The following PTPRZ1 variants were observed in gnomAD, a reference collection of about 807,000 sequenced individuals.
PTPRZ1 encodes the protein protein tyrosine phosphatase receptor type Z1.
A neutral mutation model predicts 214.1 loss-of-function variants in PTPRZ1; 82 were observed. That is an observed-to-expected ratio of 0.38 (90% CI 0.32 to 0.46). The LOEUF (loss-of-function observed/expected upper bound fraction) is 0.46. PTPRZ1 is among the 20% of genes least tolerant of loss of function. The pLI is 1.00. For missense variants in PTPRZ1, 2,603 were observed against 2,748.7 expected, an observed-to-expected ratio of 0.95 and a Z score of 1.19; for synonymous variants, 945 against 987.9, an observed-to-expected ratio of 0.96 and a Z score of 0.81.
chr7:122,045,683 TACACACAC>T (rs71172161), intron 23 of PTPRZ1, among the ~76,000 whole-genome samples: 133 of 146,610 alleles, frequency 9.1e-4, no homozygotes, highest in African/African-American at 2.7e-3. Context: ...CTAAATAAAT[TACACACAC>T]ACACACACAC....
At chr7:122,044,686 T>C in intron 23 of PTPRZ1, 118 bp downstream of exon 23, 1 of 1,052,482 alleles carries the variant, frequency 9.5e-7, no homozygotes, top group Non-Finnish European at 1.3e-6. Flanking sequence ...ACTTTGTATT[T>C]GAGCCATCGT....
intron 29 of PTPRZ1, 32 bp from the exon 30 acceptor site, chr7:122,061,048 G>C (rs752355940): frequency 2.6e-6 from 4 of 1,554,306 alleles, no homozygotes; most frequent in Non-Finnish European, 3.5e-6. Context: ...ACTGAGCTTC[G>C]CATTTATTAC....
intron 1 of PTPRZ1, among the ~76,000 whole-genome samples, chr7:121,909,375 C>T (rs149212947): frequency 1.7e-4 from 26 of 150,536 alleles, no homozygotes; most frequent in East Asian, 5.8e-4. Context: ...CCAACTGGAA[C>T]GAGTTCCAGT....
rs746414310 is a variant in PTPRZ1, at chr7:122,013,613, G to C, written c.4567G>C (p.Asp1523His). 3.1e-6 allele frequency: 5 copies of C among 1,614,178 alleles called. No homozygotes were observed. Among genetic ancestry groups the C allele is most frequent in the Non-Finnish European group, 2.5e-6 (3 of 1,180,018 alleles). The change falls in exon 12 of 30, where the codon GAC (aspartate) becomes CAC (histidine). Residue 1523 changes from aspartate (D) to histidine (H), a missense_variant. Transcript: ENST00000393386. ...QKHNDGKEEN[D>H]IQTGSALLPL... ...GCACAATGATGGAAAAGAGGAAAAT[G>C]ACATTCAGACTGGTAGTGCTCTGCT... is the stretch of plus-strand genomic sequence containing the variant.
At chr7:122,060,805 T>A (rs548978437) in intron 29 of PTPRZ1, among the ~76,000 whole-genome samples, 2 of 152,296 alleles carry the variant, frequency 1.3e-5, no homozygotes, top group East Asian at 3.9e-4. Flanking sequence ...CCCTGTCTCA[T>A]CACCTTCTGA....
At chr7:122,044,614 G>C in intron 23 of PTPRZ1, 46 bp downstream of exon 23, 1 of 1,585,734 alleles carries the variant, frequency 6.3e-7, no homozygotes, top group African/African-American at 1.3e-5. Flanking sequence ...AGAACTGAAT[G>C]TCCCTGCATC....
At chr7:121,994,776 T>G (rs1798084575) in intron 8 of PTPRZ1, among the ~76,000 whole-genome samples, 1 of 152,170 alleles carries the variant, frequency 6.6e-6, no homozygotes, top group South Asian at 2.1e-4. Context: ...TCTCACTCAG[T>G]AGAGTAACAT....
intron 10 of PTPRZ1, among the ~76,000 whole-genome samples, chr7:122,003,889 G>A (rs760963185): frequency 2.0e-5 from 3 of 152,162 alleles, no homozygotes; most frequent in Non-Finnish European, 2.9e-5. Context: ...TGAGATATAT[G>A]TTGATTCTGA....
chr7:122,016,215 G>T (rs957996767), intron 12 of PTPRZ1, among the ~76,000 whole-genome samples: 17 of 152,038 alleles, frequency 1.1e-4, no homozygotes, highest in Middle Eastern at 3.4e-3. Flanking sequence ...ATGCTTTCAT[G>T]TTAGGGGCCA....
Position 121,919,076 on chromosome 7 carries a change from G to C in PTPRZ1, c.59-9080G>C, listed in dbSNP as rs142431848. Among the ~76,000 whole-genome samples the C allele has an allele frequency of 1.5e-4, 23 of 152,068 alleles. No homozygotes were observed. The East Asian group carries it at 4.4e-3, about 29-fold the overall frequency. Reference sequence around the variant, plus strand: ...AATAGAATTATTGTGTCCAAGATATGAAGAGTTTTAAGGATCTTGATAACC... The same window carrying C: ...AATAGAATTATTGTGTCCAAGATATCAAGAGTTTTAAGGATCTTGATAACC... On this transcript the variant is annotated intron_variant, in intron 1 of 29. Transcript: ENST00000393386.
intron 24 of PTPRZ1, 30 bp downstream of exon 24, chr7:122,051,551 C>CT (rs754931334): frequency 2.6e-6 from 4 of 1,568,578 alleles, no homozygotes; most frequent in Non-Finnish European, 1.7e-6. Flanking sequence ...GAAAAAACAA[C>CT]TTTTTTAAAA....
chr7:121,969,797 T>C (rs1384865660), intron 3 of PTPRZ1, among the ~76,000 whole-genome samples: 1 of 151,680 alleles, frequency 6.6e-6, no homozygotes, highest in Non-Finnish European at 1.5e-5. Context: ...TTTTTATTCT[T>C]TTTATATATA....
chr7:122,054,719 A>G (rs1388123197), intron 26 of PTPRZ1, among the ~76,000 whole-genome samples: 1 of 152,070 alleles, frequency 6.6e-6, no homozygotes, highest in East Asian at 1.9e-4. Context: ...ATAAGCTAAG[A>G]GCATAAAATA....
intron 1 of PTPRZ1, among the ~76,000 whole-genome samples, chr7:121,904,950 G>A (rs1035351706): frequency 2.0e-5 from 3 of 152,148 alleles, no homozygotes; most frequent in African/African-American, 7.2e-5. Flanking sequence ...TCTTTAACTT[G>A]AGTTTGGTAG....
intron 1 of PTPRZ1, among the ~76,000 whole-genome samples, chr7:121,887,010 G>T (rs577140701): frequency 4.6e-5 from 7 of 151,844 alleles, no homozygotes; most frequent in Admixed American, 4.6e-4. Context: ...TCTTTTCCTC[G>T]TCTTGGGGTG....
chr7:121,928,931 G>T (rs1171526490), intron 2 of PTPRZ1, among the ~76,000 whole-genome samples: 4 of 152,186 alleles, frequency 2.6e-5, no homozygotes, highest in Non-Finnish European at 5.9e-5. Flanking sequence ...GGATGGAGTT[G>T]AGCATTAGAG....
At chr7:122,028,032 G>A (rs1051948156) in intron 13 of PTPRZ1, among the ~76,000 whole-genome samples, 4 of 152,078 alleles carry the variant, frequency 2.6e-5, no homozygotes, top group Non-Finnish European at 4.4e-5. Flanking sequence ...TCATTTCTAT[G>A]TACTATGGAC....
chr7:121,963,544 T>C (rs2116496097), intron 2 of PTPRZ1, among the ~76,000 whole-genome samples: 1 of 152,292 alleles, frequency 6.6e-6, no homozygotes, highest in South Asian at 2.1e-4. Flanking sequence ...CTGGTGCACA[T>C]GTGCAGTAAC....
chr7:121,914,060 T>C (rs1795350618), intron 1 of PTPRZ1, among the ~76,000 whole-genome samples: 1 of 152,170 alleles, frequency 6.6e-6, no homozygotes, highest in South Asian at 2.1e-4. Context: ...ATGCCTCTGA[T>C]CCCAGCACTT....
Sources: allele counts gnomAD v4.1 joint callset (sites outside exome capture counted in the v4.1 genomes callset), GRCh38; gene constraint gnomAD v4.1.1; transcripts MANE v1.5; gene names NCBI Gene and HGNC (gene_info 2026-07-23, HGNC 2026-07-21).